The following ARHGAP10 variants were observed in gnomAD, a reference collection of about 807,000 sequenced individuals.
ARHGAP10 encodes Rho GTPase activating protein 10.
In ARHGAP10, 87 loss-of-function variants were observed where a neutral mutation model predicts 108.6. The ratio of observed to expected loss-of-function variants is 0.80; its 90% CI spans 0.67 to 0.96. The LOEUF (loss-of-function observed/expected upper bound fraction) is 0.96. ARHGAP10 is among the 40% of genes least tolerant of loss of function. The pLI is 0.00. For missense variants in ARHGAP10, 939 were observed against 954.5 expected (o/e 0.98, Z 0.21); for synonymous variants, 347 against 341.1 (o/e 1.02, Z -0.19).
chr4:147,907,602 C>T (rs529294219), intron 11 of ARHGAP10, among the ~76,000 whole-genome samples: 9 of 152,246 alleles, frequency 5.9e-5, no homozygotes, highest in African/African-American at 2.2e-4. Context: ...CTAATGTTAT[C>T]TTGTGGTAAC....
intron 19 of ARHGAP10, among the ~76,000 whole-genome samples, chr4:148,043,614 A>AATATATATATATAT (rs57931206): frequency 0.012 from 676 of 54,802 alleles, 18 homozygotes; most frequent in Middle Eastern, 0.019. Flanking sequence ...CCCTCTCTCT[A>AATATATATATATAT]ATATATATAT....
chr4:148,036,157 C>T (rs977655748), intron 19 of ARHGAP10, among the ~76,000 whole-genome samples: 21 of 149,022 alleles, frequency 1.4e-4, no homozygotes, highest in African/African-American at 4.0e-4. Context: ...GATATAATTC[C>T]GTGACCTAGG....
chr4:147,802,586 C>T (rs1045007526), intron 1 of ARHGAP10, among the ~76,000 whole-genome samples: 4 of 152,194 alleles, frequency 2.6e-5, no homozygotes, highest in Non-Finnish European at 4.4e-5. Context: ...ATTTGTGTCT[C>T]GTAGTTACTT....
At chr4:148,040,793 T>C (rs540514896) in intron 19 of ARHGAP10, among the ~76,000 whole-genome samples, 4 of 150,300 alleles carry the variant, frequency 2.7e-5, no homozygotes, top group African/African-American at 1.0e-4. Context: ...AGTTATGTAT[T>C]TTTATTTATT....
Position 147,942,897 on chromosome 4 carries a change from T to G in ARHGAP10, c.1303+2998T>G, listed in dbSNP as rs141262957. 2.5e-3 allele frequency among the ~76,000 whole-genome samples: 382 copies of G among 152,344 alleles called. 1 individual carries two copies. Among genetic ancestry groups the G allele is most frequent in the African/African-American group, 8.7e-3 (360 of 41,572 alleles). On this transcript the variant is annotated intron_variant, in intron 14 of 22. Coordinates refer to ENST00000336498, the MANE Select transcript of ARHGAP10 (RefSeq NM_024605.4). ...TTAAGCTGCTGAAAGAACATGCCCA[T>G]ATAAGCAGATGCCTGCCTTTTTCTT...
intron 16 of ARHGAP10, among the ~76,000 whole-genome samples, chr4:147,963,737 G>T (rs1413884044): frequency 1.3e-5 from 2 of 152,156 alleles, no homozygotes; most frequent in African/African-American, 4.8e-5. Context: ...GGAGGGCCGT[G>T]CTCCCTCTGA....
Position 148,071,880 on chromosome 4 carries a change from A to G in ARHGAP10, c.2273-113A>G, listed in dbSNP as rs937849964. On this transcript the variant is annotated intron_variant, in intron 22 of 22. Transcript: ENST00000336498. Reference sequence around the variant, plus strand: ...TGCAGACTTTGTGACCCAACATCCCAGAAGTGGCCCCTGTTCTCTACTGGC... The same window carrying G: ...TGCAGACTTTGTGACCCAACATCCCGGAAGTGGCCCCTGTTCTCTACTGGC... 1.5e-5 allele frequency: 12 copies of G among 799,700 alleles called. No homozygotes were observed. The Admixed American group carries it at 1.8e-4, about 12-fold the overall frequency. 49.5% of individuals were successfully genotyped at this position (799,700 alleles called of 1,614,324 possible). A position where few individuals can be genotyped will look rare whatever the true frequency, so the allele number is the denominator to read the frequency against.
chr4:147,907,172 A>G (rs1253066622), intron 11 of ARHGAP10, among the ~76,000 whole-genome samples: 1 of 152,188 alleles, frequency 6.6e-6, no homozygotes, highest in African/African-American at 2.4e-5. Flanking sequence ...TACAGTATGC[A>G]GTATTATGTA....
chr4:147,842,516 C>T (rs890871586), intron 3 of ARHGAP10, among the ~76,000 whole-genome samples: 7 of 152,120 alleles, frequency 4.6e-5, no homozygotes, highest in Admixed American at 1.3e-4. Flanking sequence ...GGAGACCATC[C>T]GATATCTCTA....
chr4:147,924,344 TC>T (rs1737368920), intron 13 of ARHGAP10, among the ~76,000 whole-genome samples: 1 of 152,210 alleles, frequency 6.6e-6, no homozygotes, highest in Non-Finnish European at 1.5e-5. Flanking sequence ...CTGTTTTTTT[TC>T]AGCCCATGAA....
intron 18 of ARHGAP10, among the ~76,000 whole-genome samples, chr4:147,985,426 C>T (rs1740001510): frequency 6.6e-6 from 1 of 152,146 alleles, no homozygotes; most frequent in Non-Finnish European, 1.5e-5. Context: ...ACATGCAAAC[C>T]AGTTCCAGGC....
At chr4:147,733,795 C>T (rs1406239377) in intron 1 of ARHGAP10, among the ~76,000 whole-genome samples, 1 of 152,200 alleles carries the variant, frequency 6.6e-6, no homozygotes, top group Admixed American at 6.5e-5. Context: ...CACTCAACTT[C>T]TCTGGATGAT....
At chr4:147,798,761 CTCTCTCTCTCTCTCTCTCTCTA>C (rs1248989885) in intron 1 of ARHGAP10, among the ~76,000 whole-genome samples, 5 of 30,904 alleles carry the variant, frequency 1.6e-4, no homozygotes, top group Middle Eastern at 0.015. Flanking sequence ...CTCTCTCTCT[CTCTCTCTCTCTCTCTCTCTCTA>C]TATATATATA....
chr4:147,825,382 G>C (rs1732666942), intron 3 of ARHGAP10, among the ~76,000 whole-genome samples: 2 of 152,200 alleles, frequency 1.3e-5, no homozygotes, highest in East Asian at 3.9e-4. Flanking sequence ...GGGAGGCGGA[G>C]GTTGCAGTGA....
chr4:147,980,851 C>T (rs755273625), intron 18 of ARHGAP10, among the ~76,000 whole-genome samples: 4 of 152,106 alleles, frequency 2.6e-5, no homozygotes, highest in Non-Finnish European at 5.9e-5. Flanking sequence ...TCATAGTAGT[C>T]TCTGGAGATC....
chr4:147,816,904 C>T (rs544780460), intron 1 of ARHGAP10, among the ~76,000 whole-genome samples: 1 of 152,102 alleles, frequency 6.6e-6, no homozygotes, highest in Non-Finnish European at 1.5e-5. Flanking sequence ...AGTCTGTACC[C>T]TGTTCCTCTT....
intron 1 of ARHGAP10, among the ~76,000 whole-genome samples, chr4:147,792,967 G>T (rs905214178): frequency 6.6e-6 from 1 of 152,022 alleles, no homozygotes; most frequent in Admixed American, 6.6e-5. Context: ...GGTGAAACCC[G>T]TCTCCACTAA....
chr4:148,024,726 T>G (rs573710683), intron 19 of ARHGAP10, among the ~76,000 whole-genome samples: 1 of 152,244 alleles, frequency 6.6e-6, no homozygotes, highest in African/African-American at 2.4e-5. Context: ...CCTAGCTAAC[T>G]TTTTTATTCT....
chr4:147,734,943 A>G (rs944290915), intron 1 of ARHGAP10, among the ~76,000 whole-genome samples: 2 of 151,944 alleles, frequency 1.3e-5, no homozygotes, highest in East Asian at 1.9e-4. Flanking sequence ...GCATTTCGAG[A>G]AGTGTGTATT....
Sources: allele counts gnomAD v4.1 joint callset (sites outside exome capture counted in the v4.1 genomes callset), GRCh38; gene constraint gnomAD v4.1.1; transcripts MANE v1.5; gene names NCBI Gene and HGNC (gene_info 2026-07-23, HGNC 2026-07-21).